The following EBF1 variants were observed in gnomAD, a reference collection of about 807,000 sequenced individuals.
EBF1 encodes the protein EBF transcription factor 1.
Under a neutral mutation model 68.4 loss-of-function variants are expected in EBF1, and 10 were observed. The observed-to-expected ratio is 0.15, with a 90% CI of 0.09 to 0.25. The LOEUF (loss-of-function observed/expected upper bound fraction) is 0.25. Among genes scored for constraint, EBF1 ranks in the 10% least tolerant of loss-of-function variants. The probability of loss-of-function intolerance (pLI) is 1.00; values close to 1 mark genes in which losing one functional copy is unlikely to be tolerated. For missense variants in EBF1, 509 were observed against 794.4 expected (o/e 0.64, Z 4.32); for synonymous variants, 298 against 299.8 (o/e 0.99, Z 0.06).
intron 8 of EBF1, among the ~76,000 whole-genome samples, chr5:158,805,919 C>G (rs2127776679): frequency 6.6e-6 from 1 of 151,890 alleles, no homozygotes; most frequent in South Asian, 2.1e-4. Context: ...AACACTGTTT[C>G]TATCATTTTC....
intron 9 of EBF1, among the ~76,000 whole-genome samples, chr5:158,793,513 A>T (rs1034569933): frequency 1.3e-5 from 2 of 151,822 alleles, no homozygotes; most frequent in African/African-American, 4.8e-5. Flanking sequence ...TCTTTCTGTC[A>T]TTCTTCCCTC....
chr5:159,009,545 A>C (rs1340416094), intron 6 of EBF1, among the ~76,000 whole-genome samples: 1 of 152,212 alleles, frequency 6.6e-6, no homozygotes, highest in Non-Finnish European at 1.5e-5. Context: ...TGAATACGAA[A>C]AAGATGGCAG....
chr5:158,923,306 T>A (rs1455577653), intron 6 of EBF1, among the ~76,000 whole-genome samples: 1 of 152,220 alleles, frequency 6.6e-6, no homozygotes, highest in Non-Finnish European at 1.5e-5. Flanking sequence ...ACTTTATCCA[T>A]AAAAATCATC....
At chr5:158,937,645 G>A (rs187119302) in intron 6 of EBF1, among the ~76,000 whole-genome samples, 27 of 152,320 alleles carry the variant, frequency 1.8e-4, no homozygotes, top group Non-Finnish European at 3.4e-4. Context: ...TTAAGAGCGG[G>A]CTCTATTCGA....
rs1174394343 is a variant in EBF1 at position 158,852,495 on chromosome 5, A to G, written c.555-12385T>C. On this transcript the variant is annotated intron_variant, in intron 6 of 15. Coordinates refer to ENST00000313708, the MANE Select transcript of EBF1 (RefSeq NM_024007.5). ...ATGCCACACAAGCTGAGCTCAGATA[A>G]AAACAAGTGACTCCTTAATTTGGAT... is the stretch of plus-strand genomic sequence containing the variant. 2.6e-5 allele frequency among the ~76,000 whole-genome samples: 4 copies of G among 152,182 alleles called. No individual in the cohort carries two copies. In the East Asian group the frequency reaches 7.7e-4, roughly 29 times the overall value.
chr5:159,057,546 C>T (rs1443137841), intron 6 of EBF1, among the ~76,000 whole-genome samples: 1 of 152,198 alleles, frequency 6.6e-6, no homozygotes, highest in East Asian at 1.9e-4. Flanking sequence ...AGGCTGATTG[C>T]ACACAAGGTG....
At chr5:158,758,160 A>C (rs1201799859) in intron 10 of EBF1, among the ~76,000 whole-genome samples, 1 of 152,226 alleles carries the variant, frequency 6.6e-6, no homozygotes, top group Non-Finnish European at 1.5e-5. Flanking sequence ...ATAGAGGTTT[A>C]AATGATAATG....
At chr5:158,973,337 C>A (rs1458775704) in intron 6 of EBF1, among the ~76,000 whole-genome samples, 1 of 151,926 alleles carries the variant, frequency 6.6e-6, no homozygotes, top group Non-Finnish European at 1.5e-5. Context: ...TCTTCATCCC[C>A]TATTTCCCTC....
chr5:158,860,029 T>C (rs915218121), intron 6 of EBF1, among the ~76,000 whole-genome samples: 2 of 152,246 alleles, frequency 1.3e-5, no homozygotes, highest in African/African-American at 4.8e-5. Flanking sequence ...ATATTTCACT[T>C]TGGGATCTCC....
intron 8 of EBF1, among the ~76,000 whole-genome samples, chr5:158,819,273 C>T (rs779222714): frequency 5.9e-5 from 9 of 152,288 alleles, no homozygotes; most frequent in Middle Eastern, 3.4e-3. Flanking sequence ...TAGCTGCAAG[C>T]GCTAATGGTA....
intron 6 of EBF1, among the ~76,000 whole-genome samples, chr5:158,915,185 T>TG (rs771833396): frequency 5.9e-5 from 9 of 152,164 alleles, no homozygotes; most frequent in Non-Finnish European, 1.0e-4. Context: ...AAGTGAACTC[T>TG]GGGGGCCTCA....
intron 6 of EBF1, among the ~76,000 whole-genome samples, chr5:158,859,750 C>T (rs531745182): frequency 8.1e-4 from 124 of 152,298 alleles, no homozygotes; most frequent in African/African-American, 2.8e-3. Flanking sequence ...GCAAGGTAAT[C>T]GAGCCCACTC....
intron 14 of EBF1, among the ~76,000 whole-genome samples, chr5:158,709,662 A>G (rs952605960): frequency 3.3e-5 from 5 of 152,228 alleles, no homozygotes; most frequent in Admixed American, 6.5e-5. Context: ...TGAGTGCTTT[A>G]TGGGGCAGAA....
At chr5:159,025,788 A>AT (rs1305126041) in intron 6 of EBF1, among the ~76,000 whole-genome samples, 2 of 152,232 alleles carry the variant, frequency 1.3e-5, no homozygotes, top group Non-Finnish European at 2.9e-5. Flanking sequence ...ATGAGATGTG[A>AT]TTCCTGCTAA....
intron 6 of EBF1, among the ~76,000 whole-genome samples, chr5:158,860,445 C>G (rs1467172880): frequency 6.6e-6 from 1 of 152,196 alleles, no homozygotes; most frequent in Non-Finnish European, 1.5e-5. Context: ...ACCCTGGCTT[C>G]TGACATAAGA....
intron 6 of EBF1, among the ~76,000 whole-genome samples, chr5:158,994,951 C>G (rs1287561164): frequency 1.3e-5 from 2 of 152,204 alleles, no homozygotes; most frequent in Admixed American, 6.5e-5. Flanking sequence ...GTCACACTTT[C>G]AGACTCCAGC....
chr5:158,803,271 T>C (rs929720096), intron 8 of EBF1, among the ~76,000 whole-genome samples: 2 of 151,990 alleles, frequency 1.3e-5, no homozygotes, highest in Non-Finnish European at 2.9e-5. Flanking sequence ...GGAGAGACTA[T>C]TGAGGGCACA....
At chr5:159,082,091 T>C (rs959245039) in intron 5 of EBF1, among the ~76,000 whole-genome samples, 8 of 152,170 alleles carry the variant, frequency 5.3e-5, no homozygotes, top group Admixed American at 1.3e-4. Context: ...TTTTAAAAAT[T>C]TGCAACCACC....
chr5:158,844,990 T>TCC (rs1791154552), intron 6 of EBF1, among the ~76,000 whole-genome samples: 1 of 152,212 alleles, frequency 6.6e-6, no homozygotes, highest in Non-Finnish European at 1.5e-5. Flanking sequence ...CAAAAGGCAC[T>TCC]TCTGGACTCC....
Sources: allele counts gnomAD v4.1 joint callset (sites outside exome capture counted in the v4.1 genomes callset), GRCh38; gene constraint gnomAD v4.1.1; transcripts MANE v1.5; gene names NCBI Gene and HGNC (gene_info 2026-07-23, HGNC 2026-07-21).